Variants in BET1 observed in about 807,000 individuals in gnomAD.
The protein encoded by BET1 is BET1 homolog.
A neutral mutation model predicts 13.9 loss-of-function variants in BET1; 9 were observed. The ratio of observed to expected loss-of-function variants is 0.65; its 90% CI spans 0.39 to 1.13. The LOEUF (loss-of-function observed/expected upper bound fraction) is 1.13. Among genes scored for constraint, BET1 ranks in the 50% most tolerant of loss-of-function variants. BET1 has a pLI of 0.01. For synonymous variants in BET1, 39 were observed against 47.3 expected (o/e 0.82, Z 0.72); for missense variants, 127 against 133.6 (o/e 0.95, Z 0.24).
At chr7:93,968,955 C>A (rs1474110515) in intron 6 of BET1, among the ~76,000 whole-genome samples, 1 of 151,816 alleles carries the variant, frequency 6.6e-6, no homozygotes, top group African/African-American at 2.4e-5. Flanking sequence ...ACCATCTTTT[C>A]TTCTCACATT....
chr7:93,981,410 G>T (rs1175737208), intron 4 of BET1, among the ~76,000 whole-genome samples: 2 of 152,280 alleles, frequency 1.3e-5, no homozygotes, highest in Non-Finnish European at 1.5e-5. Flanking sequence ...ATAGCAAAAA[G>T]CTATCATGTT....
chr7:93,985,605 G>T (rs1163019176), intron 4 of BET1, among the ~76,000 whole-genome samples: 1 of 152,102 alleles, frequency 6.6e-6, no homozygotes, highest in Non-Finnish European at 1.5e-5. Context: ...AAACTATATT[G>T]TAATGTATTC....
intron 6 of BET1, chr7:93,969,736 T>G (rs911661157): frequency 4.0e-5 from 6 of 151,822 alleles, no homozygotes; most frequent in Admixed American, 1.3e-4. Context: ...ATTTCTATAT[T>G]CTTTATTTGT....
In BET1 at chr7:93,964,763, A is replaced by G. The variant is rs923304842; in HGVS notation, c.*1062T>C. The G allele has an allele frequency of 4.6e-5, 7 of 152,220 alleles. No individual in the cohort carries two copies. The East Asian group carries it at 1.2e-3, about 25-fold the overall frequency. The allele number at this position is 152,220 out of a possible 1,614,324, so 9.4% of individuals were successfully genotyped here. A position where few individuals can be genotyped will look rare whatever the true frequency, so the allele number is the denominator to read the frequency against. On this transcript the variant is annotated 3_prime_UTR_variant and NMD_transcript_variant, in exon 7 of 7. Transcript: ENST00000357520. ...TAGACAAATGCAAAGCAAAACCACA[A>G]TGAGATACCACGAGATTGCACATCA...
chr7:93,967,540 GT>G (rs560375277), intron 6 of BET1, among the ~76,000 whole-genome samples: 1 of 151,690 alleles, frequency 6.6e-6, no homozygotes, highest in African/African-American at 2.4e-5. Context: ...TAAATGACAG[GT>G]TTTTTGTCTT....
Position 93,995,426 on chromosome 7 carries a change from A to C in BET1, c.201+839T>G, listed in dbSNP as rs569025162. ...ATATCCTTTGTATAGCTCAGTGTCT[A>C]TGTGGCTCATATACTTTAGATCTAT... On this transcript the variant is annotated intron_variant, in intron 3 of 3. Coordinates refer to ENST00000222547, the MANE Select transcript of BET1 (RefSeq NM_005868.6). Among the ~76,000 whole-genome samples the C allele has an allele frequency of 1.8e-4, 28 of 152,298 alleles. No homozygotes were observed. In the South Asian group the frequency reaches 5.8e-3, roughly 32 times the overall value.
downstream of BET1, among the ~76,000 whole-genome samples, chr7:93,989,206 G>A (rs1795583887): frequency 6.6e-6 from 1 of 151,646 alleles, no homozygotes; most frequent in Admixed American, 6.6e-5. Flanking sequence ...TAGACACGGG[G>A]TTTCATCATG....
chr7:94,002,005 A>T (rs1795916870), intron 1 of BET1, among the ~76,000 whole-genome samples: 1 of 152,218 alleles, frequency 6.6e-6, no homozygotes, highest in Admixed American at 6.5e-5. Flanking sequence ...CCTATTAAAG[A>T]GTTGATCTTC....
chr7:93,991,883 T>A, downstream of BET1: 1 of 974,978 alleles, frequency 1.0e-6, no homozygotes, highest in Non-Finnish European at 1.2e-6. Flanking sequence ...CAACATTCTC[T>A]CAAAGAAGTA....
chr7:93,992,167 G>C (rs1322413857), downstream of BET1: 3 of 985,336 alleles, frequency 3.0e-6, no homozygotes, highest in African/African-American at 1.7e-5. Flanking sequence ...AAAATGCCAG[G>C]TAGAGACCTA....
chr7:93,978,889 A>ATAGC lies in BET1; in HGVS notation c.236-2793_236-2790dup, dbSNP rs767055884. Among the ~76,000 whole-genome samples, 18 of 152,314 alleles carry ATAGC rather than the reference A, an allele frequency of 1.2e-4. 1 individual carries two copies. Among genetic ancestry groups the ATAGC allele is most frequent in the Non-Finnish European group, 2.2e-4 (15 of 68,026 alleles). ...GAAGGTTGGCCAGAGAATAAGAAGT[A>ATAGC]TAGCTGGTCATGGTTCAAGAGCACC... is the stretch of plus-strand genomic sequence containing the variant. On this transcript the variant is annotated intron_variant and NMD_transcript_variant, in intron 4 of 6. Transcript: ENST00000357520.
chr7:94,001,632 CTCAG>C (rs1431526195), intron 1 of BET1, among the ~76,000 whole-genome samples: 7 of 152,316 alleles, frequency 4.6e-5, no homozygotes, highest in East Asian at 1.9e-4. Context: ...TATTTTTCCG[CTCAG>C]TCAAATATTA....
exon 7 of BET1, chr7:93,963,801 C>T (rs1490549541): frequency 1.3e-5 from 2 of 151,958 alleles, no homozygotes; most frequent in East Asian, 1.9e-4. Flanking sequence ...TGAAAAAAGG[C>T]TTTATATCAA....
exon 7 of BET1, chr7:93,962,898 G>C (rs1795115713): frequency 6.6e-6 from 1 of 151,954 alleles, no homozygotes; most frequent in Admixed American, 6.6e-5. Flanking sequence ...AAACATCTTG[G>C]CTATAATTAA....
intron 2 of BET1, among the ~76,000 whole-genome samples, chr7:93,998,609 G>T (rs894977379): frequency 2.6e-5 from 4 of 151,998 alleles, no homozygotes; most frequent in Non-Finnish European, 5.9e-5. Context: ...TGAGACAGGG[G>T]GATTGCTTTA....
rs1795678628 is a variant in BET1, at chr7:93,993,262, TTTTA to T, written c.*964_*967del. 1.1e-6 allele frequency: 1 copy of T among 949,072 alleles called. No homozygotes were observed. Among genetic ancestry groups the T allele is most frequent in the South Asian group, 4.9e-5 (1 of 20,552 alleles). The allele number at this position is 949,072 out of a possible 1,614,324, so 58.8% of individuals were successfully genotyped here. ...AGAAGTAACACAGTCGACTAATATA[TTTTA>T]TTTAAAAATTTACTTTTGAAGCCTA... On this transcript the variant is annotated 3_prime_UTR_variant, in exon 4 of 4. Transcript: ENST00000222547.
At position 93,993,921 on chromosome 7, in the gene BET1, G is replaced by C; in HGVS notation, c.*309C>G. 6.5e-7 allele frequency: 1 copy of C among 1,535,358 alleles called. No individual in the cohort carries two copies. The highest frequency in any genetic ancestry group is 1.2e-5 in the South Asian group (1 of 83,912). On this transcript the variant is annotated 3_prime_UTR_variant, in exon 4 of 4. Coordinates refer to ENST00000222547, the MANE Select transcript of BET1 (RefSeq NM_005868.6). ...ACATGGGACATAAACCTGCATTTAT[G>C]ATTACAACAAAATATTATAATGCTA...
intron 6 of BET1, among the ~76,000 whole-genome samples, chr7:93,966,791 T>G (rs1313776234): frequency 6.6e-6 from 1 of 151,810 alleles, no homozygotes; most frequent in Non-Finnish European, 1.5e-5. Flanking sequence ...AAAGAATCTT[T>G]GGTAGCATCC....
rs185424626 is a variant in BET1 at position 93,965,807 on chromosome 7, A to T, written c.*138-120T>A. The T allele has an allele frequency of 3.3e-3, 502 of 152,172 alleles. 6 individuals are homozygous for T. The highest frequency in any genetic ancestry group is 0.012 in the African/African-American group (485 of 41,552). 9.4% of individuals were successfully genotyped at this position (152,172 alleles called of 1,614,324 possible). A position where few individuals can be genotyped will look rare whatever the true frequency, so the allele number is the denominator to read the frequency against. ...AACTTAGAAATGAAATCAATAAATA[A>T]TTTTTTCTAAGAGAAGTACTTTATT... On this transcript the variant is annotated intron_variant and NMD_transcript_variant, in intron 6 of 6. Coordinates refer to the BET1 transcript ENST00000357520.
Sources: gnomAD v4.1 joint callset for allele counts (sites outside exome capture counted in the v4.1 genomes callset) on GRCh38, gnomAD v4.1.1 for gene constraint, MANE v1.5 for transcripts, NCBI Gene and HGNC (gene_info 2026-07-23, HGNC 2026-07-21) for gene names.